The following TNKS variants were observed in gnomAD, a reference collection of about 807,000 sequenced individuals.
TNKS encodes tankyrase.
In TNKS, 72 loss-of-function variants were observed where a neutral mutation model predicts 135.8. The ratio of observed to expected loss-of-function variants is 0.53; its 90% CI spans 0.44 to 0.64. The LOEUF (loss-of-function observed/expected upper bound fraction) is 0.64, where lower values mean the gene tolerates loss of function less well. TNKS is among the 30% of genes least tolerant of loss of function. The pLI is 0.00. For missense variants in TNKS, 1,769 were observed against 1,674.0 expected, an observed-to-expected ratio of 1.06 and a Z score of -0.99; for synonymous variants, 849 against 649.3, an observed-to-expected ratio of 1.31 and a Z score of -4.68.
intron 1 of TNKS, among the ~76,000 whole-genome samples, chr8:9,569,316 A>G (rs978046575): frequency 1.3e-5 from 2 of 152,198 alleles, no homozygotes; most frequent in African/African-American, 4.8e-5. Flanking sequence ...GTGAATTTTT[A>G]CAAAGTGAAC....
At chr8:9,561,832 T>A (rs1797340297) in intron 1 of TNKS, among the ~76,000 whole-genome samples, 1 of 152,132 alleles carries the variant, frequency 6.6e-6, no homozygotes, top group African/African-American at 2.4e-5. Context: ...TTTTTGATGG[T>A]TGCTGTTTGA....
intron 3 of TNKS, among the ~76,000 whole-genome samples, chr8:9,666,786 GCA>G (rs1165272514): frequency 1.3e-5 from 2 of 151,866 alleles, no homozygotes; most frequent in African/African-American, 2.4e-5. Flanking sequence ...AAATGTCCCT[GCA>G]CATCTCAGTA....
chr8:9,602,160 C>T (rs1043974927), intron 2 of TNKS, among the ~76,000 whole-genome samples: 1 of 152,142 alleles, frequency 6.6e-6, no homozygotes, highest in Non-Finnish European at 1.5e-5. Flanking sequence ...CCGTTAAGTG[C>T]ATTCAACAGA....
intron 12 of TNKS, among the ~76,000 whole-genome samples, chr8:9,723,385 A>G (rs1413444882): frequency 6.8e-6 from 1 of 146,948 alleles, no homozygotes; most frequent in Non-Finnish European, 1.5e-5. Flanking sequence ...TCTGGATAAC[A>G]TTTTATAAGA....
At chr8:9,730,790 A>G in intron 13 of TNKS, 100 bp from the exon 14 acceptor site, 1 of 1,329,382 alleles carries the variant, frequency 7.5e-7, no homozygotes, top group Non-Finnish European at 1.0e-6. Flanking sequence ...TTAGACAATT[A>G]TAATTTACTT....
At chr8:9,671,941 C>T (rs550449998) in intron 3 of TNKS, among the ~76,000 whole-genome samples, 13 of 152,194 alleles carry the variant, frequency 8.5e-5, no homozygotes, top group African/African-American at 2.9e-4. Flanking sequence ...AAATCTCACA[C>T]AGACCTGCTG....
chr8:9,612,673 T>C (rs28561748), intron 2 of TNKS, among the ~76,000 whole-genome samples: 43,785 of 152,038 alleles, frequency 0.29, 6,610 homozygotes, highest in East Asian at 0.38. Context: ...AAATATTATC[T>C]GTGGCTGCTT....
chr8:9,591,734 G>A (rs1352834443), intron 2 of TNKS, among the ~76,000 whole-genome samples: 2 of 152,212 alleles, frequency 1.3e-5, no homozygotes, highest in East Asian at 3.9e-4. Flanking sequence ...AATGGTATCT[G>A]TATACAGGCA....
At chr8:9,742,962 C>CTG (rs1307515957) in intron 17 of TNKS, among the ~76,000 whole-genome samples, 4 of 151,878 alleles carry the variant, frequency 2.6e-5, no homozygotes, top group Non-Finnish European at 5.9e-5. Flanking sequence ...ATTGATAAAT[C>CTG]TGTGTATCTT....
At chr8:9,675,257 A>G (rs916216331) in intron 3 of TNKS, among the ~76,000 whole-genome samples, 14 of 152,172 alleles carry the variant, frequency 9.2e-5, no homozygotes, top group Non-Finnish European at 1.5e-4. Context: ...TTTATTCTTC[A>G]TATAGGTTGT....
At chr8:9,575,196 C>A in intron 1 of TNKS, 1 of 580,910 alleles carries the variant, frequency 1.7e-6, no homozygotes, top group Non-Finnish European at 2.2e-6. Context: ...ACGCCATTCT[C>A]CTGCCTCAGC....
intron 16 of TNKS, 56 bp downstream of exon 16, chr8:9,735,140 G>T: frequency 6.5e-7 from 1 of 1,527,208 alleles, no homozygotes; most frequent in South Asian, 1.2e-5. Context: ...ACCTAATACA[G>T]TTTACTAAAA....
chr8:9,625,561 C>T lies in TNKS; in HGVS notation c.994+9884C>T, dbSNP rs557384502. Among the ~76,000 whole-genome samples the T allele has an allele frequency of 5.3e-5, 8 of 151,924 alleles. No individual in the cohort carries two copies. The East Asian group carries it at 1.4e-3, about 26-fold the overall frequency. ...TTTAAGTACTGCTTTTGCTGTGATT[C>T]GCACATTTTGATTTGTTCCATTTTC... On this transcript the variant is annotated intron_variant, in intron 3 of 26. Coordinates refer to ENST00000310430, the MANE Select transcript of TNKS (RefSeq NM_003747.3).
At chr8:9,619,157 C>G (rs571765307) in intron 3 of TNKS, among the ~76,000 whole-genome samples, 5 of 152,292 alleles carry the variant, frequency 3.3e-5, no homozygotes, top group African/African-American at 1.2e-4. Context: ...GTAGATACCT[C>G]TGTTCTTGAC....
intron 14 of TNKS, among the ~76,000 whole-genome samples, chr8:9,731,320 C>T (rs1463794430): frequency 1.3e-5 from 2 of 151,866 alleles, no homozygotes; most frequent in Non-Finnish European, 2.9e-5. Context: ...ATTAGCCAGG[C>T]GTGGTGGCAC....
At position 9,757,356 on chromosome 8, in the gene TNKS, C is replaced by G. The variant is rs543188189; in HGVS notation, c.3154-4160C>G. On this transcript the variant is annotated intron_variant, in intron 20 of 26. Transcript: ENST00000310430. ...TCTCTGTGCCTGCTGCTCTGCTGTGCTCCTTTTAATCCTTGATACATACTC... is the reference window on the plus strand; with the variant it reads ...TCTCTGTGCCTGCTGCTCTGCTGTGGTCCTTTTAATCCTTGATACATACTC... Among the ~76,000 whole-genome samples the G allele has an allele frequency of 2.6e-5, 4 of 152,312 alleles. No individual in the cohort carries two copies. In the East Asian group the frequency reaches 5.8e-4, roughly 22 times the overall value.
intron 3 of TNKS, among the ~76,000 whole-genome samples, chr8:9,669,642 G>C (rs186545745): frequency 1.7e-4 from 26 of 152,212 alleles, no homozygotes; most frequent in African/African-American, 5.3e-4. Flanking sequence ...AGTTATAGCA[G>C]AAGTCACAAT....
chr8:9,698,795 G>T (rs374805492), intron 5 of TNKS, among the ~76,000 whole-genome samples: 3 of 152,126 alleles, frequency 2.0e-5, no homozygotes, highest in South Asian at 2.1e-4. Flanking sequence ...ATACTGCACC[G>T]CAAATCTATA....
At chr8:9,749,882 C>T (rs1305102420) in intron 18 of TNKS, among the ~76,000 whole-genome samples, 1 of 152,166 alleles carries the variant, frequency 6.6e-6, no homozygotes, top group Admixed American at 6.5e-5. Flanking sequence ...TTCCCTGCTC[C>T]TAGAAATTTT....
Sources: allele counts gnomAD v4.1 joint callset (sites outside exome capture counted in the v4.1 genomes callset), GRCh38; gene constraint gnomAD v4.1.1; transcripts MANE v1.5; gene names NCBI Gene and HGNC (gene_info 2026-07-23, HGNC 2026-07-21).